Variants in UBLCP1 observed in about 807,000 individuals in gnomAD.
UBLCP1 encodes ubiquitin-like domain-containing CTD phosphatase 1.
Under a neutral mutation model 42.4 loss-of-function variants are expected in UBLCP1, and 28 were observed. The ratio of observed to expected loss-of-function variants is 0.66; its 90% confidence interval spans 0.49 to 0.90. The LOEUF (loss-of-function observed/expected upper bound fraction) is 0.90. Among genes scored for constraint, UBLCP1 ranks in the 40% least tolerant of loss-of-function variants. The pLI, the probability that UBLCP1 is intolerant of heterozygous loss-of-function variation, is 0.00. For synonymous variants in UBLCP1, 122 were observed against 120.8 expected (o/e 1.01, Z -0.07); for missense variants, 279 against 374.5 (o/e 0.75, Z 2.10).
At position 159,270,088 on chromosome 5, in the gene UBLCP1, A is replaced by G. The variant is rs1336585406; in HGVS notation, c.246+89A>G. ...TGTATTATAGTTTTAATTGTGGTAA[A>G]ATTGTCAGTCTAGCAATCAATGAAA... On this transcript the variant is annotated intron_variant, in intron 3 of 10. Coordinates refer to ENST00000296786, the MANE Select transcript of UBLCP1 (RefSeq NM_145049.5). 4 of 1,171,860 alleles carry G rather than the reference A, an allele frequency of 3.4e-6. No homozygotes were observed. The East Asian group carries it at 7.6e-5, about 22-fold the overall frequency. The allele number at this position is 1,171,860 out of a possible 1,614,324, so 72.6% of individuals were successfully genotyped here.
intron 9 of UBLCP1, among the ~76,000 whole-genome samples, chr5:159,280,494 G>A (rs908095598): frequency 6.6e-6 from 1 of 152,166 alleles, no homozygotes; most frequent in Non-Finnish European, 1.5e-5. Context: ...GTAGAGACAA[G>A]GTTTCGCCAT....
At chr5:159,266,199 T>G (rs1753388945) in intron 1 of UBLCP1, among the ~76,000 whole-genome samples, 1 of 152,166 alleles carries the variant, frequency 6.6e-6, no homozygotes, top group South Asian at 2.1e-4. Flanking sequence ...TGCCCAAAAT[T>G]CTGATAGCTA....
In UBLCP1 at chr5:159,276,432, G is replaced by A. The variant is rs1221714486; in HGVS notation, c.684+1186G>A. Among the ~76,000 whole-genome samples, 3 of 152,020 alleles carry A rather than the reference G, an allele frequency of 2.0e-5. No homozygotes were observed. In the East Asian group the frequency reaches 5.8e-4, roughly 29 times the overall value. On this transcript the variant is annotated intron_variant, in intron 8 of 10. Transcript: ENST00000296786. ...AGGGCATGGGGACTTGTTCTATAAAGGAAATACTGCATGTATCGAGAAAAA... is the reference window on the plus strand; with the variant it reads ...AGGGCATGGGGACTTGTTCTATAAAAGAAATACTGCATGTATCGAGAAAAA...
intron 8 of UBLCP1, chr5:159,275,478 T>A (rs1290944037): frequency 1.8e-5 from 5 of 283,786 alleles, no homozygotes; most frequent in African/African-American, 1.3e-4. Context: ...AGTGGTGCAA[T>A]CTCGCTCACG....
intron 6 of UBLCP1, among the ~76,000 whole-genome samples, chr5:159,274,191 T>A (rs1562099739): frequency 6.6e-6 from 1 of 152,154 alleles, no homozygotes; most frequent in Non-Finnish European, 1.5e-5. Context: ...ATATTGACAC[T>A]ATGTATACCT....
intron 4 of UBLCP1, 37 bp from the exon 5 acceptor site, chr5:159,270,491 A>G: frequency 6.2e-7 from 1 of 1,605,518 alleles, no homozygotes; most frequent in Non-Finnish European, 8.5e-7. Context: ...ATGTGAGAAC[A>G]AGTGAATATT....
In UBLCP1 at chr5:159,266,775, C is replaced by G. The variant is rs183813659; in HGVS notation, c.-46-2095C>G. On this transcript the variant is annotated intron_variant, in intron 1 of 10. Transcript: ENST00000296786. ...CACTCCAGCCATGGCTGAAAGGGGCCAACTTACAGCTTGGGCTGTGGCTTC... is the reference window on the plus strand; with the variant it reads ...CACTCCAGCCATGGCTGAAAGGGGCGAACTTACAGCTTGGGCTGTGGCTTC... 8.1e-4 allele frequency among the ~76,000 whole-genome samples: 124 copies of G among 152,340 alleles called. 1 individual carries two copies. Among genetic ancestry groups the G allele is most frequent in the Admixed American group, 3.1e-3 (47 of 15,310 alleles).
intron 1 of UBLCP1, among the ~76,000 whole-genome samples, chr5:159,266,032 A>G (rs1753387108): frequency 1.3e-5 from 2 of 152,208 alleles, no homozygotes; most frequent in Non-Finnish European, 1.5e-5. Flanking sequence ...GTAAATTGGT[A>G]CTAGTAGAGT....
In UBLCP1 at chr5:159,285,529, A is replaced by T. The variant is rs1753668178; in HGVS notation, c.*598A>T. 3 of 152,908 alleles carry T rather than the reference A, an allele frequency of 2.0e-5. No homozygotes were observed. The highest frequency in any genetic ancestry group is 4.4e-5 in the Non-Finnish European group (3 of 68,538). 9.5% of individuals were successfully genotyped at this position (152,908 alleles called of 1,614,324 possible). On this transcript the variant is annotated 3_prime_UTR_variant, in exon 11 of 11. Transcript: ENST00000296786. ...CCACTAGTTACATTTCTAAATTCTG[A>T]GCGGTCTCAGTTAGGCCTGTATGTG...
At chr5:159,284,409 G>A (rs1753645292) in intron 10 of UBLCP1, among the ~76,000 whole-genome samples, 1 of 152,282 alleles carries the variant, frequency 6.6e-6, no homozygotes, top group South Asian at 2.1e-4. Context: ...GCTTAGTAAT[G>A]TCTTATATCT....
At chr5:159,265,088 T>G (rs1271068765) in intron 1 of UBLCP1, among the ~76,000 whole-genome samples, 2 of 152,254 alleles carry the variant, frequency 1.3e-5, no homozygotes, top group African/African-American at 4.8e-5. Flanking sequence ...AGACACTTGC[T>G]TTACATTTTC....
chr5:159,276,427 A>G (rs572546471), intron 8 of UBLCP1, among the ~76,000 whole-genome samples: 1 of 152,372 alleles, frequency 6.6e-6, no homozygotes, highest in South Asian at 2.1e-4. Context: ...GACTTGTTCT[A>G]TAAAGGAAAT....
intron 7 of UBLCP1, 90 bp from the exon 8 acceptor site, chr5:159,275,058 G>A: frequency 9.1e-7 from 1 of 1,101,398 alleles, no homozygotes. Flanking sequence ...TAGAAAGTTG[G>A]CATTATGAGA....
intron 1 of UBLCP1, among the ~76,000 whole-genome samples, chr5:159,264,392 A>G (rs1040689052): frequency 6.6e-6 from 1 of 152,270 alleles, no homozygotes; most frequent in African/African-American, 2.4e-5. Context: ...TAGCTCATGC[A>G]TTTATATCAC....
At chr5:159,268,261 T>G (rs1753421766) in intron 1 of UBLCP1, among the ~76,000 whole-genome samples, 1 of 152,268 alleles carries the variant, frequency 6.6e-6, no homozygotes, top group South Asian at 2.1e-4. Context: ...TTAAAAAGAT[T>G]TTTGTTTAAC....
intron 7 of UBLCP1, 100 bp downstream of exon 7, chr5:159,274,722 C>A: frequency 9.8e-7 from 1 of 1,016,304 alleles, no homozygotes; most frequent in South Asian, 1.5e-5. Flanking sequence ...CTGGAGGGCA[C>A]TTAGTAGATA....
intron 6 of UBLCP1, 167 bp from the exon 7 acceptor site, chr5:159,274,417 GT>G: frequency 3.8e-6 from 2 of 530,870 alleles, no homozygotes; most frequent in Non-Finnish European, 3.4e-6. Context: ...ACTGCAGTAA[GT>G]TTACTTTTAT....
chr5:159,279,077 A>G (rs1294648390), intron 9 of UBLCP1, among the ~76,000 whole-genome samples: 1 of 152,240 alleles, frequency 6.6e-6, no homozygotes, highest in Non-Finnish European at 1.5e-5. Context: ...GAAAATTCCT[A>G]GACGGCAAGT....
At chr5:159,274,297 G>T in intron 6 of UBLCP1, 1 of 262,908 alleles carries the variant, frequency 3.8e-6, no homozygotes, top group Admixed American at 5.3e-5. Context: ...TTTAAAAAGA[G>T]AGTTTAGGTC....
Sources: allele counts gnomAD v4.1 joint callset (sites outside exome capture counted in the v4.1 genomes callset), GRCh38; gene constraint gnomAD v4.1.1; transcripts MANE v1.5; gene names NCBI Gene and HGNC (gene_info 2026-07-23, HGNC 2026-07-21).